The following SH3GL2 variants were observed in gnomAD, a reference collection of about 807,000 sequenced individuals.
The protein encoded by SH3GL2 is endophilin-A1.
In SH3GL2, 24 loss-of-function variants were observed where a neutral mutation model predicts 46.0. The observed-to-expected ratio is 0.52, with a 90% CI of 0.38 to 0.73. The LOEUF is 0.73. Ranked by LOEUF, SH3GL2 falls within the 30% of genes least tolerant of loss-of-function variation. The pLI is 0.00. For synonymous variants in SH3GL2, 196 were observed against 147.1 expected, an observed-to-expected ratio of 1.33 and a Z score of -2.40; for missense variants, 413 against 424.2, an observed-to-expected ratio of 0.97 and a Z score of 0.23.
At chr9:17,629,835 G>A (rs1563789472) in intron 1 of SH3GL2, among the ~76,000 whole-genome samples, 1 of 152,136 alleles carries the variant, frequency 6.6e-6, no homozygotes, top group Non-Finnish European at 1.5e-5. Flanking sequence ...CTGTAGTCCT[G>A]TTTATGCCAT....
chr9:17,585,989 C>T (rs1480107584), intron 1 of SH3GL2, among the ~76,000 whole-genome samples: 4 of 152,090 alleles, frequency 2.6e-5, no homozygotes, highest in Admixed American at 1.3e-4. Context: ...TACATGGTAT[C>T]CGATGGATAA....
chr9:17,622,664 C>T (rs944558570), intron 1 of SH3GL2, among the ~76,000 whole-genome samples: 1 of 152,156 alleles, frequency 6.6e-6, no homozygotes, highest in African/African-American at 2.4e-5. Context: ...GTGGTTTTCT[C>T]ATGTGACCCT....
chr9:17,640,019 G>A (rs111253820), intron 1 of SH3GL2, among the ~76,000 whole-genome samples: 1 of 152,008 alleles, frequency 6.6e-6, no homozygotes, highest in African/African-American at 2.4e-5. Context: ...AACTTTTTAG[G>A]GTGATAGTAT....
chr9:17,586,686 G>A (rs938949856), intron 1 of SH3GL2, among the ~76,000 whole-genome samples: 3 of 152,078 alleles, frequency 2.0e-5, no homozygotes, highest in African/African-American at 7.2e-5. Flanking sequence ...TGGGGTAAAA[G>A]CCCCTTATAA....
chr9:17,587,750 C>T (rs1003974662), intron 1 of SH3GL2, among the ~76,000 whole-genome samples: 9 of 152,200 alleles, frequency 5.9e-5, no homozygotes, highest in Middle Eastern at 3.4e-3. Context: ...TGGTGGCCTA[C>T]GCCTGTAGTC....
Position 17,621,850 on chromosome 9 carries a change from C to T in SH3GL2, c.45+42563C>T, listed in dbSNP as rs181597724. 5.9e-5 allele frequency among the ~76,000 whole-genome samples: 9 copies of T among 152,304 alleles called. No homozygotes were observed. The East Asian group carries it at 1.7e-3, about 29-fold the overall frequency. On this transcript the variant is annotated intron_variant, in intron 1 of 8. Coordinates refer to ENST00000380607, the MANE Select transcript of SH3GL2 (RefSeq NM_003026.5). ...GAGCAAAACTAGGATAACTCTTTTG[C>T]ACTTGCAGTATGCCATAAGTGCCGC... is the stretch of plus-strand genomic sequence containing the variant.
At chr9:17,672,856 C>T (rs1204799000) in intron 1 of SH3GL2, among the ~76,000 whole-genome samples, 3 of 152,144 alleles carry the variant, frequency 2.0e-5, no homozygotes, top group African/African-American at 7.2e-5. Context: ...CAAATGCATA[C>T]CTCCAGCCTC....
intron 1 of SH3GL2, among the ~76,000 whole-genome samples, chr9:17,676,132 G>A (rs1427307969): frequency 6.6e-6 from 1 of 152,096 alleles, no homozygotes; most frequent in African/African-American, 2.4e-5. Context: ...GCTATGGGTA[G>A]ACCTAAGTTT....
chr9:17,712,256 A>T (rs1430980333), intron 1 of SH3GL2, among the ~76,000 whole-genome samples: 2 of 151,858 alleles, frequency 1.3e-5, no homozygotes, highest in Admixed American at 1.3e-4. Flanking sequence ...CTCCACATCT[A>T]TGGCTTGACT....
chr9:17,715,968 A>C (rs939896445), intron 1 of SH3GL2, among the ~76,000 whole-genome samples: 1 of 152,026 alleles, frequency 6.6e-6, no homozygotes, highest in South Asian at 2.1e-4. Context: ...TGGGTGTTCA[A>C]AGTATTATTT....
chr9:17,653,157 A>C (rs1029133727), intron 1 of SH3GL2, among the ~76,000 whole-genome samples: 2 of 152,106 alleles, frequency 1.3e-5, no homozygotes, highest in African/African-American at 4.8e-5. Flanking sequence ...CATCATGATT[A>C]CTTTTCTATC....
chr9:17,641,647 G>A (rs972726295), intron 1 of SH3GL2, among the ~76,000 whole-genome samples: 7 of 152,054 alleles, frequency 4.6e-5, no homozygotes, highest in African/African-American at 7.2e-5. Flanking sequence ...GTGTCCATGT[G>A]TTCTCATTGT....
chr9:17,644,832 A>G (rs928806933), intron 1 of SH3GL2, among the ~76,000 whole-genome samples: 16 of 152,214 alleles, frequency 1.1e-4, no homozygotes, highest in African/African-American at 2.9e-4. Context: ...GTAGATGTCT[A>G]TTAGGTCTGC....
chr9:17,703,674 G>A (rs1334203848), intron 1 of SH3GL2, among the ~76,000 whole-genome samples: 1 of 151,818 alleles, frequency 6.6e-6, no homozygotes, highest in African/African-American at 2.4e-5. Context: ...TATGTGATTC[G>A]TCACATACAC....
chr9:17,708,666 C>G (rs183438509), intron 1 of SH3GL2, among the ~76,000 whole-genome samples: 1 of 151,956 alleles, frequency 6.6e-6, no homozygotes, highest in Admixed American at 6.6e-5. Context: ...CCTCATGTGG[C>G]TAAGATAATG....
chr9:17,670,390 G>GT (rs1380891916), intron 1 of SH3GL2, among the ~76,000 whole-genome samples: 2 of 152,146 alleles, frequency 1.3e-5, no homozygotes, highest in Admixed American at 6.5e-5. Flanking sequence ...TGCCTCAATA[G>GT]TTTTTTCTAC....
chr9:17,669,269 A>G (rs1448423277), intron 1 of SH3GL2, among the ~76,000 whole-genome samples: 1 of 152,116 alleles, frequency 6.6e-6, no homozygotes, highest in Non-Finnish European at 1.5e-5. Context: ...GGTTTTTTGC[A>G]GTTTACTTGA....
At chr9:17,755,912 A>G (rs1273680530) in intron 2 of SH3GL2, 1 of 240,796 alleles carries the variant, frequency 4.2e-6, no homozygotes, top group African/African-American at 2.3e-5. Context: ...TCTTGTCTCT[A>G]AAGACTGAGA....
chr9:17,781,501 C>T (rs958787703), intron 3 of SH3GL2, among the ~76,000 whole-genome samples: 2 of 151,768 alleles, frequency 1.3e-5, no homozygotes, highest in South Asian at 4.2e-4. Flanking sequence ...TCCCATTTGT[C>T]AATTTTGGCT....
Sources: allele counts gnomAD v4.1 joint callset (sites outside exome capture counted in the v4.1 genomes callset), GRCh38; gene constraint gnomAD v4.1.1; transcripts MANE v1.5; gene names NCBI Gene and HGNC (gene_info 2026-07-23, HGNC 2026-07-21).